The following FANCL variants were observed in gnomAD, a reference collection of about 807,000 sequenced individuals.
FANCL encodes the protein FA complementation group L.
In FANCL, 69 loss-of-function variants were observed where a neutral mutation model predicts 59.4. The ratio of observed to expected loss-of-function variants is 1.16; its 90% CI spans 0.96 to 1.42. FANCL has a LOEUF of 1.42. Ranked by LOEUF, FANCL falls within the 40% of genes most tolerant of loss-of-function variation. The pLI is 0.00. For synonymous variants in FANCL, 180 were observed against 147.1 expected, an observed-to-expected ratio of 1.22 and a Z score of -1.62; for missense variants, 519 against 447.2, an observed-to-expected ratio of 1.16 and a Z score of -1.45.
chr2:58,171,247 C>G (rs1416578147), intron 7 of FANCL, among the ~76,000 whole-genome samples: 1 of 152,152 alleles, frequency 6.6e-6, no homozygotes, highest in Non-Finnish European at 1.5e-5. Flanking sequence ...TACATAGAAA[C>G]TGAACAACCT....
At chr2:58,176,775 C>T (rs1196418451) in intron 7 of FANCL, among the ~76,000 whole-genome samples, 1 of 152,096 alleles carries the variant, frequency 6.6e-6, no homozygotes, top group African/African-American at 2.4e-5. Context: ...CCAAAATTGA[C>T]AAATGGGATC....
intron 7 of FANCL, among the ~76,000 whole-genome samples, chr2:58,188,882 A>G (rs1688661952): frequency 6.6e-6 from 1 of 152,208 alleles, no homozygotes; most frequent in African/African-American, 2.4e-5. Flanking sequence ...ATGCCCATCA[A>G]AAGGTGAATG....
At chr2:58,225,334 T>A (rs1438409615) in intron 4 of FANCL, among the ~76,000 whole-genome samples, 1 of 151,850 alleles carries the variant, frequency 6.6e-6, no homozygotes, top group East Asian at 1.9e-4. Context: ...ACTTATCCAG[T>A]CTCTCCAGTA....
chr2:58,204,740 T>TA (rs1296213094), intron 5 of FANCL, among the ~76,000 whole-genome samples: 1 of 152,100 alleles, frequency 6.6e-6, no homozygotes, highest in Non-Finnish European at 1.5e-5. Context: ...AAATGCTGTA[T>TA]AAGCACAGGT....
At chr2:58,204,327 A>G (rs1690360952) in intron 5 of FANCL, 101 bp from the exon 6 acceptor site, 2 of 892,628 alleles carry the variant, frequency 2.2e-6, no homozygotes, top group African/African-American at 3.3e-5. Context: ...CTATATTCCT[A>G]TTAATCCATT....
intron 7 of FANCL, among the ~76,000 whole-genome samples, chr2:58,197,017 C>G (rs556005793): frequency 6.6e-6 from 1 of 151,282 alleles, no homozygotes; most frequent in Admixed American, 6.6e-5. Flanking sequence ...ATGCATAATT[C>G]CAATTCTTTA....
chr2:58,162,736 G>A (rs1207760793), intron 11 of FANCL, 130 bp downstream of exon 11: 1 of 797,964 alleles, frequency 1.3e-6, no homozygotes, highest in Non-Finnish European at 2.1e-6. Context: ...GTTTTTTGAT[G>A]CAGATCAGAA....
chr2:58,176,443 TG>T (rs1687324856), intron 7 of FANCL, among the ~76,000 whole-genome samples: 1 of 151,856 alleles, frequency 6.6e-6, no homozygotes, highest in Admixed American at 6.6e-5. Flanking sequence ...TATAGATCAA[TG>T]GAACAGAACA....
intron 1 of FANCL, 149 bp from the exon 2 acceptor site, chr2:58,232,261 A>C (rs531238642): frequency 1.4e-5 from 10 of 696,934 alleles, no homozygotes; most frequent in African/African-American, 1.2e-4. Context: ...GTTAAAATAT[A>C]TGCAACACAA....
chr2:58,205,492 A>C (rs977284914), intron 5 of FANCL, among the ~76,000 whole-genome samples: 6 of 152,094 alleles, frequency 3.9e-5, no homozygotes, highest in Non-Finnish European at 7.4e-5. Flanking sequence ...TATGACTCTG[A>C]AGTTCAGATA....
intron 7 of FANCL, among the ~76,000 whole-genome samples, chr2:58,185,811 A>G (rs966805945): frequency 1.3e-5 from 2 of 152,204 alleles, no homozygotes; most frequent in African/African-American, 4.8e-5. Context: ...AAATTCTGTT[A>G]GTTCCATGAC....
chr2:58,226,396 A>G (rs539672063), intron 4 of FANCL, among the ~76,000 whole-genome samples: 1 of 152,294 alleles, frequency 6.6e-6, no homozygotes, highest in East Asian at 1.9e-4. Flanking sequence ...ACATCATATT[A>G]TATCTTTAAG....
At chr2:58,171,241 T>C (rs541969497) in intron 7 of FANCL, among the ~76,000 whole-genome samples, 33 of 152,264 alleles carry the variant, frequency 2.2e-4, no homozygotes, top group African/African-American at 7.2e-4. Context: ...CACAACTACA[T>C]AGAAACTGAA....
At chr2:58,182,027 A>T (rs1434336433) in intron 7 of FANCL, among the ~76,000 whole-genome samples, 2 of 151,818 alleles carry the variant, frequency 1.3e-5, no homozygotes, top group East Asian at 3.8e-4. Flanking sequence ...ACTATATAAG[A>T]CAAATTATAA....
At chr2:58,181,747 T>A (rs1687962814) in intron 7 of FANCL, among the ~76,000 whole-genome samples, 1 of 151,902 alleles carries the variant, frequency 6.6e-6, no homozygotes, top group Admixed American at 6.6e-5. Context: ...ATGTTTCTTG[T>A]ATGTCAGAAA....
At chr2:58,206,893 CCTTA>C (rs1690642820) in intron 5 of FANCL, among the ~76,000 whole-genome samples, 1 of 152,174 alleles carries the variant, frequency 6.6e-6, no homozygotes, top group African/African-American at 2.4e-5. Context: ...CAGAAAGAAA[CCTTA>C]CTGTGATTAT....
chr2:58,176,382 C>G (rs888575216), intron 7 of FANCL, among the ~76,000 whole-genome samples: 35 of 151,674 alleles, frequency 2.3e-4, no homozygotes, highest in African/African-American at 7.7e-4. Flanking sequence ...TCAAACTATA[C>G]TACAAGGCTA....
intron 5 of FANCL, among the ~76,000 whole-genome samples, chr2:58,221,073 C>A (rs1236056023): frequency 6.6e-6 from 1 of 151,694 alleles, no homozygotes; most frequent in Non-Finnish European, 1.5e-5. Context: ...ATTAGCCGGT[C>A]GTGGTGGCAG....
intron 1 of FANCL, among the ~76,000 whole-genome samples, chr2:58,239,926 T>C (rs375041681): frequency 6.6e-6 from 1 of 152,150 alleles, no homozygotes; most frequent in Non-Finnish European, 1.5e-5. Flanking sequence ...ACACGTAAAA[T>C]GTTTAAGATT....
Sources: allele counts gnomAD v4.1 joint callset (sites outside exome capture counted in the v4.1 genomes callset), GRCh38; gene constraint gnomAD v4.1.1; transcripts MANE v1.5; gene names NCBI Gene and HGNC (gene_info 2026-07-23, HGNC 2026-07-21).